The following ULK4 variants were observed in gnomAD, a reference collection of about 807,000 sequenced individuals.
ULK4 encodes the protein unc-51 like kinase 4, also known as inactive serine/threonine-protein kinase ULK4.
A neutral mutation model predicts 160.6 loss-of-function variants in ULK4; 133 were observed. The observed-to-expected ratio is 0.83, with a 90% CI of 0.72 to 0.96. The LOEUF (loss-of-function observed/expected upper bound fraction) is 0.96, where lower values mean the gene tolerates loss of function less well. Among genes scored for constraint, ULK4 ranks in the 40% least tolerant of loss-of-function variants. ULK4 has a pLI of 0.00. For missense variants in ULK4, 1,580 were observed against 1,499.5 expected, an observed-to-expected ratio of 1.05 and a Z score of -0.89; for synonymous variants, 534 against 539.8, an observed-to-expected ratio of 0.99 and a Z score of 0.15.
chr3:41,921,971 T>A (rs1389367452), intron 5 of ULK4, among the ~76,000 whole-genome samples: 1 of 151,696 alleles, frequency 6.6e-6, no homozygotes. Context: ...CTGACCAACA[T>A]GGACAAACCC....
intron 31 of ULK4, among the ~76,000 whole-genome samples, chr3:41,608,499 T>C (rs1215611110): frequency 6.6e-6 from 1 of 152,242 alleles, no homozygotes. Context: ...ATTGGTTTCA[T>C]ATTGAGAATG....
chr3:41,448,634 T>G (rs1320839295), intron 34 of ULK4, among the ~76,000 whole-genome samples: 1 of 152,162 alleles, frequency 6.6e-6, no homozygotes, highest in Non-Finnish European at 1.5e-5. Context: ...GGAAGGCTCC[T>G]GTGGTCCTGT....
At chr3:41,953,683 T>C (rs1700378559) in intron 2 of ULK4, among the ~76,000 whole-genome samples, 2 of 152,114 alleles carry the variant, frequency 1.3e-5, no homozygotes, top group Admixed American at 6.6e-5. Flanking sequence ...TGACAGTAAA[T>C]TGCAGAGGTT....
chr3:41,618,384 G>A (rs1411477398), intron 30 of ULK4, among the ~76,000 whole-genome samples: 1 of 152,118 alleles, frequency 6.6e-6, no homozygotes, highest in East Asian at 1.9e-4. Flanking sequence ...GAAAGGTCAG[G>A]TTACCAACAA....
chr3:41,837,257 C>T (rs999142316), intron 17 of ULK4, among the ~76,000 whole-genome samples: 15 of 152,148 alleles, frequency 9.9e-5, no homozygotes. Context: ...AAAATCAATG[C>T]ATATATTTAA....
chr3:41,663,642 T>G lies in ULK4; in HGVS notation c.3036A>C (p.Leu1012=). Residue 1012 remains leucine (L), a synonymous_variant, in exon 30 of 37, where the codon CTA becomes CTC. Coordinates refer to ENST00000301831, the MANE Select transcript of ULK4 (RefSeq NM_017886.4). The part of the protein sequence containing the change: ...DPVPAYALKL[L]VAMTEHNPTF... ...TTGGGTTGTGTTCAGTCATCGCGAC[T>G]AGCAGTTTCAGAGCATATGCTGGTA... is the stretch of plus-strand genomic sequence containing the variant. 6.2e-7 allele frequency: 1 copy of G among 1,613,978 alleles called. No homozygotes were observed. The highest frequency in any genetic ancestry group is 2.2e-5 in the East Asian group (1 of 44,836).
At chr3:41,795,215 C>T (rs377357683) in intron 20 of ULK4, among the ~76,000 whole-genome samples, 1 of 152,342 alleles carries the variant, frequency 6.6e-6, no homozygotes. Context: ...GTTCCTATAA[C>T]CTCAGTCTTT....
intron 32 of ULK4, among the ~76,000 whole-genome samples, chr3:41,509,299 A>G (rs893258336): frequency 6.6e-6 from 1 of 152,154 alleles, no homozygotes; most frequent in Non-Finnish European, 1.5e-5. Context: ...TAAAAAATGA[A>G]CAAAGCCTCC....
At chr3:41,550,214 GAGAA>G (rs138874492) in intron 32 of ULK4, among the ~76,000 whole-genome samples, 3,120 of 152,032 alleles carry the variant, frequency 0.021, 111 homozygotes, top group African/African-American at 0.072. Flanking sequence ...AACAATAAAA[GAGAA>G]AGAAAGAAAC....
At chr3:41,811,068 G>C (rs1391754091) in intron 19 of ULK4, among the ~76,000 whole-genome samples, 1 of 150,900 alleles carries the variant, frequency 6.6e-6, no homozygotes. Context: ...TTTTTTTTTT[G>C]TAGTGATGGA....
rs139333533 is a variant in ULK4, at chr3:41,691,924, T to C, written c.2782-10120A>G. Among the ~76,000 whole-genome samples, 20 of 149,842 alleles carry C rather than the reference T, an allele frequency of 1.3e-4. No homozygotes were observed. The East Asian group carries it at 3.7e-3, about 28-fold the overall frequency. ...CAAAAAAGGACAAAGCCCTAAAAAT[T>C]ATCTTCATCAAATCACTTCTTTTTT... On this transcript the variant is annotated intron_variant, in intron 27 of 36. Coordinates refer to ENST00000301831, the MANE Select transcript of ULK4 (RefSeq NM_017886.4).
intron 34 of ULK4, among the ~76,000 whole-genome samples, chr3:41,436,613 T>A (rs888700517): frequency 1.3e-5 from 2 of 152,202 alleles, no homozygotes; most frequent in Non-Finnish European, 2.9e-5. Flanking sequence ...GGAGCCTTTA[T>A]GCACTGTGTC....
chr3:41,857,333 A>G (rs1269840748), intron 17 of ULK4, among the ~76,000 whole-genome samples: 1 of 152,148 alleles, frequency 6.6e-6, no homozygotes, highest in Admixed American at 6.6e-5. Context: ...GTAGTGCTGA[A>G]TTCAGTTTCC....
intron 35 of ULK4, among the ~76,000 whole-genome samples, chr3:41,313,626 T>C (rs934469856): frequency 2.0e-5 from 3 of 152,236 alleles, no homozygotes; most frequent in Non-Finnish European, 2.9e-5. Flanking sequence ...ATTTTCAATG[T>C]TCCTTGTTTT....
At position 41,303,975 on chromosome 3, in the gene ULK4, A is replaced by G. The variant is rs377548036; in HGVS notation, c.3679-54401T>C. On this transcript the variant is annotated intron_variant, in intron 35 of 36. Transcript: ENST00000301831. ...CATCACTATTGTATTTGGATGCTAA[A>G]GAAACAGACAACAGGGCAGGTGTGA... is the stretch of plus-strand genomic sequence containing the variant. Among the ~76,000 whole-genome samples, 113 of 152,296 alleles carry G rather than the reference A, an allele frequency of 7.4e-4. 8 individuals are homozygous for G. The South Asian group carries it at 0.023, about 31-fold the overall frequency.
intron 35 of ULK4, among the ~76,000 whole-genome samples, chr3:41,383,871 T>A (rs1367696992): frequency 6.7e-6 from 1 of 150,132 alleles, no homozygotes; most frequent in Non-Finnish European, 1.5e-5. Context: ...AGTTATTATA[T>A]CTGTTACCAA....
chr3:41,260,910 C>A (rs1035618176), intron 35 of ULK4, among the ~76,000 whole-genome samples: 2 of 152,210 alleles, frequency 1.3e-5, no homozygotes, highest in African/African-American at 2.4e-5. Flanking sequence ...CTTTAGCTCA[C>A]TGGGAGGCCC....
intron 35 of ULK4, among the ~76,000 whole-genome samples, chr3:41,264,266 T>A (rs1361514981): frequency 6.6e-6 from 1 of 152,166 alleles, no homozygotes; most frequent in Non-Finnish European, 1.5e-5. Context: ...TTGGGAATGG[T>A]CCAGGTGAGA....
chr3:41,753,364 C>T (rs1427142305), intron 22 of ULK4, among the ~76,000 whole-genome samples: 1 of 152,204 alleles, frequency 6.6e-6, no homozygotes. Context: ...AGATCAATCT[C>T]AGCAATACCA....
Sources: allele counts gnomAD v4.1 joint callset (sites outside exome capture counted in the v4.1 genomes callset), GRCh38; gene constraint gnomAD v4.1.1; transcripts MANE v1.5; gene names NCBI Gene and HGNC (gene_info 2026-07-23, HGNC 2026-07-21).